Variants in SGK1 observed in about 807,000 individuals in gnomAD.
SGK1 encodes the protein serum/glucocorticoid regulated kinase 1, also known as serine/threonine-protein kinase Sgk1.
Under a neutral mutation model 64.2 loss-of-function variants are expected in SGK1, and 26 were observed. The observed-to-expected ratio is 0.40, with a 90% CI of 0.30 to 0.56. The LOEUF (loss-of-function observed/expected upper bound fraction) is 0.56, where lower values mean the gene tolerates loss of function less well. Ranked by LOEUF, SGK1 falls within the 20% of genes least tolerant of loss-of-function variation. SGK1 has a pLI of 0.38. For missense variants in SGK1, 519 were observed against 645.6 expected (o/e 0.80, Z 2.12); for synonymous variants, 265 against 239.7 (o/e 1.11, Z -0.98).
At chr6:134,273,172 G>A (rs1336454431) in intron 1 of SGK1, among the ~76,000 whole-genome samples, 1 of 147,666 alleles carries the variant, frequency 6.8e-6, no homozygotes, top group Non-Finnish European at 1.5e-5. Context: ...TTGACACCAG[G>A]TGAATCCTTC....
intron 1 of SGK1, among the ~76,000 whole-genome samples, chr6:134,291,630 T>C (rs534388891): frequency 6.6e-6 from 1 of 152,336 alleles, no homozygotes; most frequent in Non-Finnish European, 1.5e-5. Context: ...CTCTTTGTTC[T>C]TTGTTTCTTT....
intron 2 of SGK1, among the ~76,000 whole-genome samples, chr6:134,253,068 C>T (rs1171207111): frequency 6.6e-6 from 1 of 152,086 alleles, no homozygotes; most frequent in African/African-American, 2.4e-5. Flanking sequence ...ATTTTACTTC[C>T]AAGCCTTCTG....
chr6:134,247,820 AAAAC>A, intron 2 of SGK1, among the ~76,000 whole-genome samples: 1 of 152,330 alleles, frequency 6.6e-6, no homozygotes, highest in Non-Finnish European at 1.5e-5. Context: ...GTGCATTTGC[AAAAC>A]AGTCTATGCC....
intron 2 of SGK1, among the ~76,000 whole-genome samples, chr6:134,241,761 C>T (rs1425777511): frequency 6.6e-6 from 1 of 152,116 alleles, no homozygotes; most frequent in Non-Finnish European, 1.5e-5. Flanking sequence ...GCTGGGACTA[C>T]AGGCGCCCGC....
chr6:134,242,138 G>A (rs533124335), intron 2 of SGK1, among the ~76,000 whole-genome samples: 3 of 152,250 alleles, frequency 2.0e-5, no homozygotes, highest in East Asian at 1.9e-4. Context: ...AATGACCAAC[G>A]TGCTGGTGCT....
intron 1 of SGK1, among the ~76,000 whole-genome samples, chr6:134,270,898 T>C (rs1221174022): frequency 6.8e-6 from 1 of 147,680 alleles, no homozygotes; most frequent in Non-Finnish European, 1.5e-5. Context: ...CATTGAGGAA[T>C]CCACCCCACC....
Position 134,225,398 on chromosome 6 carries a change from C to T in SGK1, c.286-17967G>A, listed in dbSNP as rs906514911. Among the ~76,000 whole-genome samples, 3 of 151,146 alleles carry T rather than the reference C, an allele frequency of 2.0e-5. No individual in the cohort carries two copies. The South Asian group carries it at 6.3e-4, about 32-fold the overall frequency. Reference sequence around the variant, plus strand: ...AGAAATATAATTGTGGATCCAGACTCTGGCCAAGGATCAAACAGACATTTA... The same window carrying T: ...AGAAATATAATTGTGGATCCAGACTTTGGCCAAGGATCAAACAGACATTTA... On this transcript the variant is annotated intron_variant, in intron 2 of 13. Coordinates refer to ENST00000367858, the MANE Select transcript of SGK1 (RefSeq NM_001143676.3).
intron 2 of SGK1, among the ~76,000 whole-genome samples, chr6:134,230,730 T>C (rs1776264624): frequency 6.6e-6 from 1 of 152,008 alleles, no homozygotes; most frequent in Non-Finnish European, 1.5e-5. Context: ...TAAAATAAAT[T>C]AGGCTGAGAG....
intron 3 of SGK1, among the ~76,000 whole-genome samples, chr6:134,178,115 G>C (rs1775276745): frequency 6.6e-6 from 1 of 152,174 alleles, no homozygotes. Flanking sequence ...ATGCATTCCG[G>C]GAGGAACGTG....
At chr6:134,213,220 T>A (rs945583242) in intron 2 of SGK1, among the ~76,000 whole-genome samples, 1 of 152,058 alleles carries the variant, frequency 6.6e-6, no homozygotes, top group Non-Finnish European at 1.5e-5. Flanking sequence ...GCGAGAAAAT[T>A]TATTATCAGA....
intron 2 of SGK1, among the ~76,000 whole-genome samples, chr6:134,248,524 T>C (rs1776559664): frequency 7.1e-6 from 1 of 141,446 alleles, no homozygotes; most frequent in African/African-American, 2.6e-5. Flanking sequence ...AAATCCCAGC[T>C]CACTGCAACC....
At chr6:134,219,005 CAG>C (rs1284284376) in intron 2 of SGK1, among the ~76,000 whole-genome samples, 2 of 150,654 alleles carry the variant, frequency 1.3e-5, no homozygotes, top group East Asian at 2.0e-4. Context: ...GTTTTTGTGA[CAG>C]AGTCTTGCTC....
intron 1 of SGK1, among the ~76,000 whole-genome samples, chr6:134,286,280 G>A (rs1040748056): frequency 2.0e-5 from 3 of 152,072 alleles, no homozygotes; most frequent in Non-Finnish European, 4.4e-5. Context: ...AACACTTTAG[G>A]AGGCCTGTCT....
At chr6:134,297,470 C>G in intron 1 of SGK1, 1 of 631,190 alleles carries the variant, frequency 1.6e-6, no homozygotes, top group Non-Finnish European at 3.0e-6. Context: ...CAGTCTCAGC[C>G]TGGAGCCAGC....
Position 134,209,437 on chromosome 6 carries a change from AAAAC to A in SGK1, c.286-2010_286-2007del, listed in dbSNP as rs551769684. On this transcript the variant is annotated intron_variant, in intron 2 of 13. Transcript: ENST00000367858. ...CGACAAAGCGAGCCTCTGTCTCAAAAAAACAAACAAACAAACAATCAAATATATT... is the reference window on the plus strand; with the variant it reads ...CGACAAAGCGAGCCTCTGTCTCAAAAAAACAAACAAACAATCAAATATATT... Among the ~76,000 whole-genome samples, 235 of 152,270 alleles carry A rather than the reference AAAAC, an allele frequency of 1.5e-3. 2 individuals are homozygous for A. In the East Asian group the frequency reaches 0.024, roughly 15 times the overall value.
rs918429781 is a variant in SGK1 at position 134,272,031 on chromosome 6, A to G, written c.70-9883T>C. Among the ~76,000 whole-genome samples, 14 of 146,796 alleles carry G rather than the reference A, an allele frequency of 9.5e-5. 1 individual carries two copies. Among genetic ancestry groups the G allele is most frequent in the African/African-American group, 3.4e-4 (14 of 40,866 alleles). ...TGAGTTTTGTATTTTTAGTAGAGAC[A>G]GGGTTTCACCATGTTGACCAGGCTG... On this transcript the variant is annotated intron_variant, in intron 1 of 13. Transcript: ENST00000367858.
chr6:134,219,919 C>T (rs1776056160), intron 2 of SGK1, among the ~76,000 whole-genome samples: 1 of 145,334 alleles, frequency 6.9e-6, no homozygotes, highest in African/African-American at 2.5e-5. Context: ...ATTAGCCGGG[C>T]GTAGGGGCGG....
chr6:134,238,272 C>T (rs1022806751), intron 2 of SGK1, among the ~76,000 whole-genome samples: 4 of 152,206 alleles, frequency 2.6e-5, no homozygotes, highest in Non-Finnish European at 4.4e-5. Flanking sequence ...CGTGGAGAAT[C>T]AATGACTTTA....
At chr6:134,293,017 C>T (rs755474116) in intron 1 of SGK1, among the ~76,000 whole-genome samples, 1 of 152,196 alleles carries the variant, frequency 6.6e-6, no homozygotes, top group Non-Finnish European at 1.5e-5. Context: ...TCTCTTGTTT[C>T]CAGACTGTGC....
Sources: gnomAD v4.1 joint callset for allele counts (sites outside exome capture counted in the v4.1 genomes callset) on GRCh38, gnomAD v4.1.1 for gene constraint, MANE v1.5 for transcripts, NCBI Gene and HGNC (gene_info 2026-07-23, HGNC 2026-07-21) for gene names.